The following NCOA3 variants were observed in gnomAD, a reference collection of about 807,000 sequenced individuals.
NCOA3 encodes nuclear receptor coactivator 3, also known as CBP-interacting protein.
NCOA3 carries 51 observed loss-of-function variants against 158.8 expected under a neutral mutation model. The ratio of observed to expected loss-of-function variants is 0.32; its 90% CI spans 0.26 to 0.41. The LOEUF is 0.41. Among genes scored for constraint, NCOA3 ranks in the 10% least tolerant of loss-of-function variants. The probability of loss-of-function intolerance (pLI) is 1.00; values close to 1 mark genes in which losing one functional copy is unlikely to be tolerated. For missense variants in NCOA3, 1,510 were observed against 1,746.6 expected, an observed-to-expected ratio of 0.86 and a Z score of 2.41; for synonymous variants, 537 against 592.4, an observed-to-expected ratio of 0.91 and a Z score of 1.36.
At chr20:47,623,831 A>T in intron 3 of NCOA3, 80 bp from the exon 4 acceptor site, 1 of 1,313,880 alleles carries the variant, frequency 7.6e-7, no homozygotes, top group Non-Finnish European at 1.1e-6. Context: ...AGTGTTGTAT[A>T]GGGGCTGATT....
chr20:47,567,109 G>A (rs573843972), intron 1 of NCOA3, among the ~76,000 whole-genome samples: 1 of 151,960 alleles, frequency 6.6e-6, no homozygotes, highest in Non-Finnish European at 1.5e-5. Flanking sequence ...GTGCAGTGAT[G>A]TGATCTTAGC....
At chr20:47,548,179 A>G (rs895802703) in intron 1 of NCOA3, among the ~76,000 whole-genome samples, 2 of 152,048 alleles carry the variant, frequency 1.3e-5, no homozygotes, top group Admixed American at 6.6e-5. Context: ...CCTGTCATAT[A>G]TATAAGAGAA....
intron 2 of NCOA3, among the ~76,000 whole-genome samples, chr20:47,611,797 CA>C (rs2086048571): frequency 6.6e-6 from 1 of 150,786 alleles, no homozygotes; most frequent in Admixed American, 6.6e-5. Flanking sequence ...ATCTCAAAAA[CA>C]AAACAAAACA....
At chr20:47,526,466 G>T (rs865962081) in intron 1 of NCOA3, among the ~76,000 whole-genome samples, 54 of 152,330 alleles carry the variant, frequency 3.5e-4, no homozygotes, top group Middle Eastern at 6.8e-3. Context: ...TCCAGCCTGG[G>T]CACCATTGAG....
At chr20:47,539,230 CTACTTGATAAGG>C (rs2084684055) in intron 1 of NCOA3, among the ~76,000 whole-genome samples, 1 of 152,056 alleles carries the variant, frequency 6.6e-6, no homozygotes, top group South Asian at 2.1e-4. Context: ...GCTTGATAAG[CTACTTGATAAGG>C]TGGTAGGAGG....
chr20:47,548,538 C>A (rs2084871513), intron 1 of NCOA3, among the ~76,000 whole-genome samples: 1 of 151,462 alleles, frequency 6.6e-6, no homozygotes, highest in Non-Finnish European at 1.5e-5. Flanking sequence ...GAGTGAAACT[C>A]CATCTCAAAA....
chr20:47,614,551 A>G (rs138469660), intron 2 of NCOA3, among the ~76,000 whole-genome samples: 3 of 152,336 alleles, frequency 2.0e-5, no homozygotes, highest in East Asian at 1.9e-4. Context: ...CATACCTTGT[A>G]TAAGTTAGGG....
intron 1 of NCOA3, among the ~76,000 whole-genome samples, chr20:47,548,024 C>G (rs2084861826): frequency 6.6e-6 from 1 of 151,946 alleles, no homozygotes; most frequent in Admixed American, 6.6e-5. Context: ...AGCCACCATG[C>G]TCAGCCTTTG....
chr20:47,514,787 GCTCACTGCAACCT>G lies in NCOA3; in HGVS notation c.-99+12770_-99+12782del, dbSNP rs937846370. Among the ~76,000 whole-genome samples, 9 of 138,772 alleles carry G rather than the reference GCTCACTGCAACCT, an allele frequency of 6.5e-5. 3 individuals carry two copies. Among genetic ancestry groups the G allele is most frequent in the African/African-American group, 2.5e-4 (9 of 36,628 alleles). 91.0% of individuals were successfully genotyped at this position (138,772 alleles called of 152,430 possible). ...GCTAAAGAGCAGTGGTGCAATCTCA[GCTCACTGCAACCT>G]CCGCCTCCAGAGTAGCTGGGATTAC... On this transcript the variant is annotated intron_variant, in intron 1 of 22. Transcript: ENST00000371998.
intron 1 of NCOA3, among the ~76,000 whole-genome samples, chr20:47,516,032 T>C (rs1336798512): frequency 1.3e-5 from 2 of 152,018 alleles, no homozygotes; most frequent in East Asian, 3.9e-4. Flanking sequence ...CAGGAGTTAG[T>C]GGGGAGGAAA....
At chr20:47,647,917 T>TTTTTTTTTTTTTTTTTTTTTTTC (rs2086717300) in intron 18 of NCOA3, among the ~76,000 whole-genome samples, 1 of 142,108 alleles carries the variant, frequency 7.0e-6, no homozygotes, top group African/African-American at 2.8e-5. Context: ...TTGTTTTGTT[T>TTTTTTTTTTTTTTTTTTTTTTTC]TGTTTTTTTT....
intron 1 of NCOA3, among the ~76,000 whole-genome samples, chr20:47,581,033 C>T (rs994183011): frequency 6.6e-6 from 1 of 151,734 alleles, no homozygotes; most frequent in Non-Finnish European, 1.5e-5. Context: ...CCTCGGAGGT[C>T]GAGGCTGAGG....
In NCOA3 at chr20:47,627,987, A is replaced by C. The variant is rs1376665537; in HGVS notation, c.787A>C (p.Asn263His). The change falls in exon 8 of 23, where the codon AAC becomes CAC. Residue 263 changes from asparagine (N) to histidine (H), a missense_variant. This residue lies in a region of NCOA3 where 309 missense variants were observed against 427.1 expected (regional missense o/e 0.72). Transcript: ENST00000371998. ...TACAGGAGAAAGAACATTTCCATCA[A>C]ACCCTGAGAGCTTTATTACCAGACA... ...ITTGERTFPS[N>H]PESFITRHDL... 7 of 1,614,004 alleles carry C rather than the reference A, an allele frequency of 4.3e-6. No homozygotes were observed. The highest frequency in any genetic ancestry group is 5.9e-6 in the Non-Finnish European group (7 of 1,179,932).
intron 1 of NCOA3, among the ~76,000 whole-genome samples, chr20:47,537,521 A>G (rs1279647593): frequency 1.3e-5 from 2 of 151,928 alleles, no homozygotes; most frequent in African/African-American, 4.8e-5. Flanking sequence ...GAAAATGTAA[A>G]ACTGCCAAAT....
intron 1 of NCOA3, among the ~76,000 whole-genome samples, chr20:47,536,815 T>C (rs1002801899): frequency 2.0e-5 from 3 of 151,160 alleles, no homozygotes; most frequent in Non-Finnish European, 3.0e-5. Flanking sequence ...CTTTTTTTTT[T>C]TTTTTTTTGA....
chr20:47,542,276 G>A (rs1448935154), intron 1 of NCOA3, among the ~76,000 whole-genome samples: 2 of 151,400 alleles, frequency 1.3e-5, no homozygotes, highest in Non-Finnish European at 2.9e-5. Context: ...CTGGCCTCAA[G>A]TGATTGTCCT....
intron 2 of NCOA3, among the ~76,000 whole-genome samples, chr20:47,593,595 G>A (rs1227728894): frequency 5.3e-5 from 8 of 151,582 alleles, no homozygotes; most frequent in African/African-American, 9.7e-5. Flanking sequence ...CGCCTGCCTC[G>A]GCCTCCCAAA....
intron 17 of NCOA3, among the ~76,000 whole-genome samples, chr20:47,646,223 G>A (rs538382700): frequency 1.3e-5 from 2 of 152,304 alleles, no homozygotes; most frequent in East Asian, 1.9e-4. Flanking sequence ...ATATTATATA[G>A]TTGTTACACT....
At chr20:47,590,141 C>T (rs2085605134) in intron 2 of NCOA3, among the ~76,000 whole-genome samples, 4 of 151,780 alleles carry the variant, frequency 2.6e-5, no homozygotes, top group South Asian at 2.1e-4. Flanking sequence ...ACTTGTCATA[C>T]GATTATATTA....
Sources: allele counts gnomAD v4.1 joint callset (sites outside exome capture counted in the v4.1 genomes callset), GRCh38; gene constraint gnomAD v4.1.1; regional missense constraint gnomAD v4.1.1; transcripts MANE v1.5; gene names NCBI Gene and HGNC (gene_info 2026-07-23, HGNC 2026-07-21).